Variants in DHX37 observed in about 807,000 individuals in gnomAD.
The protein encoded by DHX37 is DEAH-box helicase 37.
DHX37 carries 52 observed loss-of-function variants against 134.3 expected under a neutral mutation model. That is an observed-to-expected ratio of 0.39 (90% CI 0.31 to 0.49). The LOEUF (loss-of-function observed/expected upper bound fraction) is 0.49. DHX37 is among the 20% of genes least tolerant of loss of function. The pLI is 0.93. For missense variants in DHX37, 1,344 were observed against 1,580.8 expected, an observed-to-expected ratio of 0.85 and a Z score of 2.54; for synonymous variants, 634 against 670.7, an observed-to-expected ratio of 0.95 and a Z score of 0.85.
At chr12:124,967,393 G>A (rs1173042330) in intron 10 of DHX37, among the ~76,000 whole-genome samples, 175 bp from the exon 11 acceptor site, 5 of 152,178 alleles carry the variant, frequency 3.3e-5, no homozygotes, top group South Asian at 2.1e-4. Context: ...AGCAGCTGCC[G>A]CCAGGGAGTT....
rs552143280 is a variant in DHX37 at position 124,967,505 on chromosome 12, C to T, written c.1409-287G>A. ...CACGGAACCCTGCACACCACACTCACGACAGTGACAGCGCCGCGGCTGCCC... is the reference window on the plus strand; with the variant it reads ...CACGGAACCCTGCACACCACACTCATGACAGTGACAGCGCCGCGGCTGCCC... On this transcript the variant is annotated intron_variant, in intron 10 of 26. Coordinates refer to ENST00000308736, the MANE Select transcript of DHX37 (RefSeq NM_032656.4). Among the ~76,000 whole-genome samples, 5 of 152,304 alleles carry T rather than the reference C, an allele frequency of 3.3e-5. No individual in the cohort carries two copies. The East Asian group carries it at 5.8e-4, about 18-fold the overall frequency.
In DHX37 at chr12:124,968,851, T is replaced by C. The variant is rs367650190; in HGVS notation, c.1293+16A>G. The C allele has an allele frequency of 6.8e-6, 11 of 1,613,688 alleles. No individual in the cohort carries two copies. Among genetic ancestry groups the C allele is most frequent in the East Asian group, 2.2e-5 (1 of 44,894 alleles). ...GTGCCATCCAAGCTCACAGAGGACA[T>C]GGGACCCTGTGTTACCTTGATGACC... On this transcript the variant is annotated intron_variant, in intron 9 of 26. Transcript: ENST00000308736.
rs759983876 is a variant in DHX37 at position 124,968,948 on chromosome 12, C to G, written c.1212G>C (p.Leu404=). Residue 404 remains leucine, a synonymous_variant, in exon 9 of 27, where the codon CTG becomes CTC. Coordinates refer to ENST00000308736, the MANE Select transcript of DHX37 (RefSeq NM_032656.4). The stretch of plus-strand genomic sequence containing the variant: ...CCCGCAGCGTGGCCGACATGATGAG[C>G]AGCTTGAGTGGCAGGTTCCTCTGCA... ...LRAKRNLPLK[L]LIMSATLRVE... 25 of 1,613,976 alleles carry G rather than the reference C, an allele frequency of 1.5e-5. No homozygotes were observed. Among genetic ancestry groups the G allele is most frequent in the Middle Eastern group, 1.6e-4 (1 of 6,084 alleles).
intron 1 of DHX37, 81 bp downstream of exon 1, chr12:124,988,836 C>G: frequency 1.1e-6 from 1 of 878,014 alleles, no homozygotes; most frequent in Non-Finnish European, 1.6e-6. Flanking sequence ...CTCTGGGATC[C>G]CCACCCGAGA....
rs141343765 is a variant in DHX37, at chr12:124,983,418, T to TACACAC, written c.277-801_277-796dup. Among the ~76,000 whole-genome samples, 1,405 of 148,168 alleles carry TACACAC rather than the reference T, an allele frequency of 9.5e-3. 15 individuals carry two copies. Among genetic ancestry groups the TACACAC allele is most frequent in the African/African-American group, 0.023 (940 of 40,356 alleles). On this transcript the variant is annotated intron_variant, in intron 2 of 26. Coordinates refer to ENST00000308736, the MANE Select transcript of DHX37 (RefSeq NM_032656.4). ...AGCCTACACACTTCTATGTGTGTAT[T>TACACAC]ACACACACACACACACACACACACA...
intron 1 of DHX37, 71 bp downstream of exon 1, chr12:124,988,846 A>G (rs1012224275): frequency 1.0e-6 from 1 of 972,256 alleles, no homozygotes; most frequent in African/African-American, 1.7e-5. Flanking sequence ...CCCACCCGAG[A>G]GTCCTGAAGG....
At chr12:124,974,499 C>G (rs1288941038) in intron 6 of DHX37, among the ~76,000 whole-genome samples, 3 of 147,588 alleles carry the variant, frequency 2.0e-5, no homozygotes, top group African/African-American at 5.1e-5. Flanking sequence ...CATGCTGACC[C>G]GGGGGCCGGT....
chr12:124,968,207 C>T (rs1345396936), intron 10 of DHX37, among the ~76,000 whole-genome samples: 1 of 152,070 alleles, frequency 6.6e-6, no homozygotes. Context: ...TGAAGGGTAT[C>T]CGTGACTCTT....
chr12:124,977,485 T>C lies in DHX37; in HGVS notation c.744A>G (p.Glu248=). 1.3e-6 allele frequency: 2 copies of C among 1,597,862 alleles called. No individual in the cohort carries two copies. The highest frequency in any genetic ancestry group is 1.7e-6 in the Non-Finnish European group (2 of 1,173,638). The change falls in exon 5 of 27, where the codon GAA becomes GAG. Residue 248 remains glutamate (E), a synonymous_variant. Transcript: ENST00000308736. ...PVNRSPEMQE[E]RLKLPILSEE... Reference sequence around the variant, plus strand: ...CGGAGAGAATTGGGAGCTTCAGCCGTTCCTCCTGGAAGGAGAGGAAGTCAG... The same window carrying C: ...CGGAGAGAATTGGGAGCTTCAGCCGCTCCTCCTGGAAGGAGAGGAAGTCAG...
At chr12:124,978,931 CAAA>C (rs1380468336) in intron 4 of DHX37, among the ~76,000 whole-genome samples, 1 of 129,980 alleles carries the variant, frequency 7.7e-6, no homozygotes. Context: ...GACACTGTCT[CAAA>C]AAAAAAAAAA....
rs879003679 is a variant in DHX37, at chr12:124,964,605, C to A, written c.1834G>T (p.Gly612Trp). Residue 612 changes from glycine (G) to tryptophan (W), a missense_variant, in exon 15 of 27, where the codon GGG becomes TGG. By Grantham distance (184) the Gly-to-Trp change is radical. Coordinates refer to ENST00000308736, the MANE Select transcript of DHX37 (RefSeq NM_032656.4). The stretch of plus-strand genomic sequence containing the variant: ...GTGGCCACAACACACAACCGAGTCC[C>A]CTCCGGTGGAGGCTTAAAGACCTAG... Reference protein sequence around the residue: ...QAQVFKPPPEGTRLCVVATNV... With the variant: ...QAQVFKPPPEWTRLCVVATNV... The A allele has an allele frequency of 6.2e-7, 1 of 1,611,294 alleles. No individual in the cohort carries two copies. Among genetic ancestry groups the A allele is most frequent in the South Asian group, 1.1e-5 (1 of 90,902 alleles).
Position 124,956,834 on chromosome 12 carries a change from C to T in DHX37, c.2310G>A (p.Ala770=), listed in dbSNP as rs752925512. 45 of 1,608,308 alleles carry T rather than the reference C, an allele frequency of 2.8e-5. No individual in the cohort carries two copies. The highest frequency in any genetic ancestry group is 3.6e-5 in the Non-Finnish European group (42 of 1,176,044). Residue 770 remains alanine, a synonymous_variant, in exon 18 of 27, where the codon GCG becomes GCA. Coordinates refer to ENST00000308736, the MANE Select transcript of DHX37 (RefSeq NM_032656.4). ...QENRLSCPIT[A]LGRTMATFPV... Reference sequence around the variant, plus strand: ...GGAATGTGGCCATTGTCCGGCCCAGCGCAGTGATGGGGCAGCTCAGCCGGT... The same window carrying T: ...GGAATGTGGCCATTGTCCGGCCCAGTGCAGTGATGGGGCAGCTCAGCCGGT...
chr12:124,978,645 G>T (rs1314853650), intron 4 of DHX37, among the ~76,000 whole-genome samples: 1 of 140,914 alleles, frequency 7.1e-6, no homozygotes, highest in Non-Finnish European at 1.6e-5. Context: ...AAAATATGAG[G>T]CCAGGCATGA....
chr12:124,954,283 T>C (rs1469744731), intron 18 of DHX37, 72 bp from the exon 19 acceptor site: 13 of 1,508,332 alleles, frequency 8.6e-6, no homozygotes, highest in Non-Finnish European at 1.2e-5. Flanking sequence ...GGGGAACTCC[T>C]TTATTCATCG....
At chr12:124,959,915 G>C (rs1180246654) in intron 16 of DHX37, among the ~76,000 whole-genome samples, 1 of 152,200 alleles carries the variant, frequency 6.6e-6, no homozygotes, top group Non-Finnish European at 1.5e-5. Flanking sequence ...GTGGCACGGG[G>C]CACTGCCTGG....
chr12:124,957,246 T>C, intron 16 of DHX37, 111 bp from the exon 17 acceptor site: 1 of 1,031,450 alleles, frequency 9.7e-7, no homozygotes, highest in Non-Finnish European at 1.3e-6. Flanking sequence ...CGGGCTCAGC[T>C]CATGCCAGTG....
chr12:124,963,878 CAAAAAAAAAAAA>C (rs71092251), intron 15 of DHX37, among the ~76,000 whole-genome samples: 5 of 91,674 alleles, frequency 5.5e-5, no homozygotes, highest in Non-Finnish European at 9.8e-5. Flanking sequence ...AGACTCGTCT[CAAAAAAAAAAAA>C]AAAAAAAAAA....
intron 25 of DHX37, 51 bp from the exon 26 acceptor site, chr12:124,948,232 C>T: frequency 6.3e-7 from 1 of 1,586,158 alleles, no homozygotes; most frequent in Non-Finnish European, 8.6e-7. Context: ...CACAGACCGG[C>T]TGCTGCTGGG....
chr12:124,967,325 T>C (rs1954409860), intron 10 of DHX37, 107 bp from the exon 11 acceptor site: 3 of 1,246,778 alleles, frequency 2.4e-6, no homozygotes, highest in Non-Finnish European at 1.1e-6. Context: ...CCAGGGATAA[T>C]GGGGGAGGAC....
Sources: allele counts gnomAD v4.1 joint callset (sites outside exome capture counted in the v4.1 genomes callset), GRCh38; gene constraint gnomAD v4.1.1; transcripts MANE v1.5; gene names NCBI Gene and HGNC (gene_info 2026-07-23, HGNC 2026-07-21).